The following SPC25 variants were observed in gnomAD, a reference collection of about 807,000 sequenced individuals.
SPC25 encodes SPC25 component of NDC80 kinetochore complex, also known as kinetochore protein Spc25.
SPC25 carries 22 observed loss-of-function variants against 29.6 expected under a neutral mutation model. The ratio of observed to expected loss-of-function variants is 0.74; its 90% CI spans 0.53 to 1.06. The LOEUF (loss-of-function observed/expected upper bound fraction) is 1.06. SPC25 is among the 50% of genes least tolerant of loss of function. The probability of loss-of-function intolerance (pLI) is 0.00; values close to 1 mark genes in which losing one functional copy is unlikely to be tolerated. For synonymous variants in SPC25, 91 were observed against 90.4 expected, an observed-to-expected ratio of 1.01 and a Z score of -0.04; for missense variants, 230 against 255.8, an observed-to-expected ratio of 0.90 and a Z score of 0.69.
At chr2:168,868,334 A>G (rs1238199759), downstream of SPC25, among the ~76,000 whole-genome samples, 4 of 152,374 alleles carry the variant, frequency 2.6e-5, no homozygotes, top group East Asian at 7.7e-4. Flanking sequence ...AGCTAGCAAA[A>G]GGCAAGAAAT....
chr2:168,880,555 C>T (rs1485505935), intron 3 of SPC25, among the ~76,000 whole-genome samples: 1 of 152,226 alleles, frequency 6.6e-6, no homozygotes, highest in Non-Finnish European at 1.5e-5. Context: ...AAGGCTGTTT[C>T]TCTTTCTTAT....
downstream of SPC25, among the ~76,000 whole-genome samples, chr2:168,867,170 G>A (rs1689876628): frequency 1.3e-5 from 2 of 152,118 alleles, no homozygotes; most frequent in Admixed American, 1.3e-4. Context: ...AAAGACACAT[G>A]CACATGTATG....
chr2:168,863,578 ATT>A (rs1046062183), intron 4 of SPC25: 2 of 984,994 alleles, frequency 2.0e-6, no homozygotes, highest in Admixed American at 1.2e-4. Flanking sequence ...TTTAAAAAAT[ATT>A]GTCTCCAAAT....
At chr2:168,876,627 T>C (rs570995522) in intron 4 of SPC25, among the ~76,000 whole-genome samples, 2 of 145,346 alleles carry the variant, frequency 1.4e-5, no homozygotes, top group African/African-American at 5.0e-5. Context: ...GTTAGCACAA[T>C]AGTCCCTAAA....
At chr2:168,875,025 T>C (rs506273) in intron 5 of SPC25, among the ~76,000 whole-genome samples, 48,966 of 152,072 alleles carry the variant, frequency 0.32, 8,658 homozygotes, top group East Asian at 0.58. Flanking sequence ...ACATTAGCGA[T>C]GTACATGTGA....
At chr2:168,866,540 G>A (rs1270133116), downstream of SPC25, among the ~76,000 whole-genome samples, 2 of 152,016 alleles carry the variant, frequency 1.3e-5, no homozygotes, top group Non-Finnish European at 2.9e-5. Flanking sequence ...GAAAACCTAG[G>A]CAATACCATT....
intron 4 of SPC25, chr2:168,861,966 G>T: frequency 3.1e-6 from 5 of 1,614,114 alleles, no homozygotes; most frequent in Non-Finnish European, 4.2e-6. Flanking sequence ...TCAGCCCCTG[G>T]TGCAGCCCAG....
At chr2:168,881,548 T>C (rs1176435615) in intron 3 of SPC25, among the ~76,000 whole-genome samples, 1 of 152,242 alleles carries the variant, frequency 6.6e-6, no homozygotes, top group Non-Finnish European at 1.5e-5. Context: ...GGGCAGAGGC[T>C]ACTGAGGTCA....
At chr2:168,869,157 C>A (rs1181546869), downstream of SPC25, among the ~76,000 whole-genome samples, 1 of 152,096 alleles carries the variant, frequency 6.6e-6, no homozygotes. Flanking sequence ...AATTCAACAA[C>A]CCTTCATGCT....
chr2:168,864,689 T>C (rs1369999926), intron 4 of SPC25: 10 of 792,814 alleles, frequency 1.3e-5, no homozygotes, highest in African/African-American at 3.5e-5. Flanking sequence ...AGGTGTTCGA[T>C]ACATTTGGCT....
At chr2:168,884,245 T>A (rs960747191) in intron 3 of SPC25, among the ~76,000 whole-genome samples, 1 of 152,226 alleles carries the variant, frequency 6.6e-6, no homozygotes, top group Admixed American at 6.5e-5. Flanking sequence ...CTAGATCCTC[T>A]ATTTACCTTA....
At chr2:168,863,767 G>A (rs577480826) in intron 4 of SPC25, 43 of 513,706 alleles carry the variant, frequency 8.4e-5, no homozygotes, top group Admixed American at 1.3e-4. Context: ...ACTTATAGCA[G>A]CCAACACGCC....
downstream of SPC25, among the ~76,000 whole-genome samples, chr2:168,870,123 A>C (rs1482369784): frequency 6.6e-6 from 1 of 151,810 alleles, no homozygotes; most frequent in Non-Finnish European, 1.5e-5. Flanking sequence ...TCCCTATTTA[A>C]TAAATGGTGC....
chr2:168,886,569 C>G (rs944259880), intron 3 of SPC25, among the ~76,000 whole-genome samples: 7 of 150,840 alleles, frequency 4.6e-5, no homozygotes, highest in African/African-American at 9.8e-5. Flanking sequence ...GCCCAGGCTG[C>G]AGTGCAGTGG....
At position 168,880,973 on chromosome 2, in the gene SPC25, G is replaced by A. The variant is rs112939879; in HGVS notation, c.200-3589C>T. 2.6e-4 allele frequency among the ~76,000 whole-genome samples: 39 copies of A among 152,216 alleles called. 1 individual carries two copies. The highest frequency in any genetic ancestry group is 8.4e-4 in the African/African-American group (35 of 41,458). ...ATAATAATGACAAGTTTGAAATCTT[G>A]TGAGAATTACCAACATGTGACAGAT... On this transcript the variant is annotated intron_variant, in intron 3 of 6. Transcript: ENST00000282074.
At chr2:168,889,164 A>C in intron 3 of SPC25, 62 bp downstream of exon 3, 1 of 1,436,286 alleles carries the variant, frequency 7.0e-7, no homozygotes, top group Non-Finnish European at 9.6e-7. Flanking sequence ...CTTGTATGAG[A>C]GATTTCATGA....
intron 4 of SPC25, among the ~76,000 whole-genome samples, chr2:168,864,157 G>A (rs936225805): frequency 3.3e-5 from 5 of 151,938 alleles, no homozygotes; most frequent in South Asian, 2.1e-4. Flanking sequence ...TAGTAGAGAC[G>A]GGGTTTCACC....
At chr2:168,866,672 C>A (rs1291762753), downstream of SPC25, among the ~76,000 whole-genome samples, 1 of 152,160 alleles carries the variant, frequency 6.6e-6, no homozygotes, top group Non-Finnish European at 1.5e-5. Context: ...AAAGAAACCA[C>A]CATCAAAGTG....
At chr2:168,882,425 T>C (rs1196066254) in intron 3 of SPC25, among the ~76,000 whole-genome samples, 2 of 152,182 alleles carry the variant, frequency 1.3e-5, no homozygotes, top group Non-Finnish European at 2.9e-5. Context: ...GCCAACATGG[T>C]GAAACCTCGT....
Sources: gnomAD v4.1 joint callset for allele counts (sites outside exome capture counted in the v4.1 genomes callset) on GRCh38, gnomAD v4.1.1 for gene constraint, MANE v1.5 for transcripts, NCBI Gene and HGNC (gene_info 2026-07-23, HGNC 2026-07-21) for gene names.